The following SEMA6D variants were observed in gnomAD, a reference collection of about 807,000 sequenced individuals.
The protein encoded by SEMA6D is semaphorin-6D.
In SEMA6D, 35 loss-of-function variants were observed where a neutral mutation model predicts 106.6. The ratio of observed to expected loss-of-function variants is 0.33; its 90% confidence interval spans 0.25 to 0.44. The LOEUF (loss-of-function observed/expected upper bound fraction) is 0.44, where lower values mean the gene tolerates loss of function less well. Ranked by LOEUF, SEMA6D falls within the 20% of genes least tolerant of loss-of-function variation. The pLI, the probability that SEMA6D is intolerant of heterozygous loss-of-function variation, is 1.00. For missense variants in SEMA6D, 1,185 were observed against 1,345.9 expected, an observed-to-expected ratio of 0.88 and a Z score of 1.87; for synonymous variants, 499 against 487.7, an observed-to-expected ratio of 1.02 and a Z score of -0.31.
chr15:47,673,968 G>T (rs571521593), intron 4 of SEMA6D, among the ~76,000 whole-genome samples: 1 of 152,184 alleles, frequency 6.6e-6, no homozygotes, highest in African/African-American at 2.4e-5. Flanking sequence ...TTATGTCATT[G>T]TCTCCTATCT....
chr15:47,406,864 T>C (rs974328368), intron 1 of SEMA6D, among the ~76,000 whole-genome samples: 2 of 151,848 alleles, frequency 1.3e-5, no homozygotes, highest in African/African-American at 4.8e-5. Flanking sequence ...AATTTCACAA[T>C]GTATGTCCAT....
rs1414410442 is a variant in SEMA6D, at chr15:47,764,722, A to G, written c.1182A>G (p.Lys394=). Reference sequence around the variant, plus strand: ...CGGATGAAACTCTGTCATTCATCAAATCTCATCCCCTGATGGACTCTGCCG... The same window carrying G: ...CGGATGAAACTCTGTCATTCATCAAGTCTCATCCCCTGATGGACTCTGCCG... ...DFPDETLSFI[K]SHPLMDSAVP... is the part of the protein sequence containing the mutation. Residue 394 remains lysine (K), a synonymous_variant, in exon 12 of 19, where the codon AAA becomes AAG. Transcript: ENST00000536845. The G allele has an allele frequency of 1.2e-6, 2 of 1,614,076 alleles. No homozygotes were observed. The highest frequency in any genetic ancestry group is 1.1e-5 in the South Asian group (1 of 91,088).
At chr15:47,504,879 C>T (rs2043987280) in intron 3 of SEMA6D, among the ~76,000 whole-genome samples, 1 of 152,156 alleles carries the variant, frequency 6.6e-6, no homozygotes, top group African/African-American at 2.4e-5. Context: ...CATAGTGTTT[C>T]TCTTTGTGGA....
At chr15:47,697,724 T>C (rs1324355525) in intron 4 of SEMA6D, among the ~76,000 whole-genome samples, 1 of 152,260 alleles carries the variant, frequency 6.6e-6, no homozygotes, top group East Asian at 1.9e-4. Flanking sequence ...TTCTAATTAA[T>C]CTAATTCCAT....
At chr15:47,574,410 T>G (rs1415106380) in intron 3 of SEMA6D, among the ~76,000 whole-genome samples, 1 of 152,212 alleles carries the variant, frequency 6.6e-6, no homozygotes, top group African/African-American at 2.4e-5. Flanking sequence ...GTTTCTCCCA[T>G]TTGGTTGAAA....
chr15:47,456,795 C>T (rs370076771), intron 2 of SEMA6D, among the ~76,000 whole-genome samples: 3 of 151,972 alleles, frequency 2.0e-5, no homozygotes, highest in African/African-American at 7.2e-5. Flanking sequence ...TGGCGGTAGT[C>T]CCCCTGTAGT....
intron 1 of SEMA6D, among the ~76,000 whole-genome samples, chr15:47,325,704 C>T (rs1328287197): frequency 6.6e-6 from 1 of 152,140 alleles, no homozygotes; most frequent in Non-Finnish European, 1.5e-5. Flanking sequence ...TCTAAATGCT[C>T]AGTCTCTCCA....
At chr15:47,184,197 G>C (rs2140854473) in exon 1 of SEMA6D, 1 of 152,968 alleles carries the variant, frequency 6.5e-6, no homozygotes. Context: ...GAAGAGAGCA[G>C]AGAGACCCAC....
chr15:47,490,901 A>G (rs1183816577), intron 3 of SEMA6D, among the ~76,000 whole-genome samples: 3 of 152,204 alleles, frequency 2.0e-5, no homozygotes, highest in Admixed American at 2.0e-4. Context: ...TCTGCAATAC[A>G]ATTTTACTTC....
Position 47,317,504 on chromosome 15 carries a change from T to C in SEMA6D, c.-238-94889T>C, listed in dbSNP as rs148253966. On this transcript the variant is annotated intron_variant, in intron 1 of 19. Coordinates refer to the SEMA6D transcript ENST00000558014. Reference sequence around the variant, plus strand: ...CACATTTTCAATCTATATCATTTTGTTTTACTCTGAAGAACTTTTAGCATT... The same window carrying C: ...CACATTTTCAATCTATATCATTTTGCTTTACTCTGAAGAACTTTTAGCATT... Among the ~76,000 whole-genome samples the C allele has an allele frequency of 7.6e-3, 1,158 of 152,310 alleles. 15 individuals carry two copies. The highest frequency in any genetic ancestry group is 0.026 in the African/African-American group (1,100 of 41,576).
At chr15:47,562,600 A>G (rs372899581) in intron 3 of SEMA6D, among the ~76,000 whole-genome samples, 5 of 152,086 alleles carry the variant, frequency 3.3e-5, no homozygotes, top group African/African-American at 1.2e-4. Flanking sequence ...ACATGACAAT[A>G]TGCTCAATAT....
intron 1 of SEMA6D, among the ~76,000 whole-genome samples, chr15:47,368,732 A>G (rs1365611558): frequency 6.6e-6 from 1 of 152,202 alleles, no homozygotes; most frequent in Admixed American, 6.5e-5. Flanking sequence ...CCATTTTTAC[A>G]AATACATAAC....
intron 4 of SEMA6D, among the ~76,000 whole-genome samples, chr15:47,644,980 A>G (rs2077554307): frequency 6.6e-6 from 1 of 152,182 alleles, no homozygotes; most frequent in Non-Finnish European, 1.5e-5. Context: ...GGGACACAGC[A>G]TGCTGATCTG....
At chr15:47,192,559 G>T (rs1390725191) in intron 1 of SEMA6D, among the ~76,000 whole-genome samples, 1 of 152,018 alleles carries the variant, frequency 6.6e-6, no homozygotes, top group African/African-American at 2.4e-5. Context: ...AAAAAAGCAT[G>T]TTTATCATCA....
chr15:47,549,804 A>T (rs2045628298), intron 3 of SEMA6D, among the ~76,000 whole-genome samples: 2 of 152,178 alleles, frequency 1.3e-5, no homozygotes, highest in Admixed American at 1.3e-4. Context: ...CCTTTAAGAA[A>T]ATTAAAGGGA....
chr15:47,392,804 A>G (rs1398165439), intron 1 of SEMA6D, among the ~76,000 whole-genome samples: 1 of 152,180 alleles, frequency 6.6e-6, no homozygotes, highest in Non-Finnish European at 1.5e-5. Flanking sequence ...CTCTGCAGAA[A>G]CTCCAGTTGA....
intron 2 of SEMA6D, among the ~76,000 whole-genome samples, chr15:47,422,795 G>A (rs958674940): frequency 5.3e-5 from 8 of 151,992 alleles, no homozygotes; most frequent in Non-Finnish European, 1.0e-4. Context: ...TATGTTTCAC[G>A]GATGACTGGT....
At chr15:47,726,147 G>T (rs2079738288) in intron 1 of SEMA6D, among the ~76,000 whole-genome samples, 2 of 152,338 alleles carry the variant, frequency 1.3e-5, no homozygotes, top group South Asian at 4.1e-4. Flanking sequence ...CTACAGACGG[G>T]ATCTAAAATA....
chr15:47,640,558 C>T (rs984786017), intron 4 of SEMA6D, among the ~76,000 whole-genome samples: 1 of 152,124 alleles, frequency 6.6e-6, no homozygotes, highest in Non-Finnish European at 1.5e-5. Flanking sequence ...AAACAGCTTC[C>T]AGTGCACTTA....
Sources: gnomAD v4.1 joint callset for allele counts (sites outside exome capture counted in the v4.1 genomes callset) on GRCh38, gnomAD v4.1.1 for gene constraint, MANE v1.5 for transcripts, NCBI Gene and HGNC (gene_info 2026-07-23, HGNC 2026-07-21) for gene names.